The following PCDHGB2 variants were observed in gnomAD, a reference collection of about 807,000 sequenced individuals.
The protein encoded by PCDHGB2 is protocadherin gamma subfamily B, 2.
In PCDHGB2, 55 loss-of-function variants were observed where a neutral mutation model predicts 59.3. The observed-to-expected ratio is 0.93, with a 90% CI of 0.75 to 1.16. The LOEUF is 1.16. Among genes scored for constraint, PCDHGB2 ranks in the 50% most tolerant of loss-of-function variants. The pLI is 0.00. For synonymous variants in PCDHGB2, 516 were observed against 512.0 expected, an observed-to-expected ratio of 1.01 and a Z score of -0.11; for missense variants, 1,228 against 1,198.5, an observed-to-expected ratio of 1.02 and a Z score of -0.36.
At chr5:141,465,649 A>C (rs1174371552) in intron 1 of PCDHGB2, among the ~76,000 whole-genome samples, 1 of 152,200 alleles carries the variant, frequency 6.6e-6, no homozygotes, top group African/African-American at 2.4e-5. Context: ...TGAACATCCC[A>C]AAAAAGCGCT....
intron 1 of PCDHGB2, chr5:141,404,646 C>G (rs1461001534): frequency 3.1e-6 from 5 of 1,614,208 alleles, no homozygotes; most frequent in Non-Finnish European, 3.4e-6. Flanking sequence ...ATCCTGTACC[C>G]TGCCCTCCCC....
In PCDHGB2 at chr5:141,362,669, C is replaced by T. The variant is rs1028170696; in HGVS notation, c.2421+113C>T. 8.6e-6 allele frequency: 11 copies of T among 1,279,762 alleles called. No individual in the cohort carries two copies. The African/African-American group carries it at 1.4e-4, about 16-fold the overall frequency. The allele number at this position is 1,279,762 out of a possible 1,614,324, so 79.3% of individuals were successfully genotyped here. ...TGAGTTAGATTTGGCCAATGTTGTG[C>T]CTTAATTGTCTTAATCTTATCTAAC... is the stretch of plus-strand genomic sequence containing the variant. On this transcript the variant is annotated intron_variant, in intron 1 of 3. Transcript: ENST00000522605.
At chr5:141,422,568 C>A (rs372115955) in intron 1 of PCDHGB2, 5 of 1,613,904 alleles carry the variant, frequency 3.1e-6, no homozygotes, top group Admixed American at 3.3e-5. Context: ...CAGATGACAA[C>A]GATAACCCTC....
rs568123995 is a variant in PCDHGB2 at position 141,511,539 on chromosome 5, C to G, written c.*366C>G. The G allele has an allele frequency of 3.0e-5, 10 of 328,342 alleles. No individual in the cohort carries two copies. The highest frequency in any genetic ancestry group is 2.1e-4 in the African/African-American group (10 of 47,452). The allele number at this position is 328,342 out of a possible 1,614,324, so 20.3% of individuals were successfully genotyped here. ...CATCCCATGCCTCCCTCCTCCCCAC[C>G]CCACTCCAACAGTTCCTCTTTCCCG... On this transcript the variant is annotated 3_prime_UTR_variant, in exon 4 of 4. Transcript: ENST00000522605.
intron 2 of PCDHGB2, among the ~76,000 whole-genome samples, chr5:141,497,158 T>A (rs2099774560): frequency 6.6e-6 from 1 of 151,860 alleles, no homozygotes; most frequent in African/African-American, 2.4e-5. Flanking sequence ...AAAAATAATC[T>A]AGCCACAAAT....
intron 1 of PCDHGB2, chr5:141,441,694 G>A (rs1443778772): frequency 2.3e-5 from 7 of 301,140 alleles, no homozygotes; most frequent in Non-Finnish European, 2.6e-5. Context: ...GAGCAGCCGC[G>A]AGCCTTCAAG....
intron 1 of PCDHGB2, 90 bp downstream of exon 1, chr5:141,362,646 A>G: frequency 1.4e-6 from 2 of 1,452,328 alleles, no homozygotes; most frequent in Non-Finnish European, 1.8e-6. Context: ...TTTGTCTGTG[A>G]GTTAGATTTG....
At chr5:141,364,743 TA>T in intron 1 of PCDHGB2, 1 of 1,613,916 alleles carries the variant, frequency 6.2e-7, no homozygotes. Context: ...GATGAAGAGT[TA>T]AAAGTAAAAG....
chr5:141,414,515 C>T, intron 1 of PCDHGB2: 1 of 1,613,958 alleles, frequency 6.2e-7, no homozygotes, highest in Non-Finnish European at 8.5e-7. Flanking sequence ...CTACAAGTGG[C>T]AGATATCAAT....
chr5:141,447,848 G>A (rs539844218), intron 1 of PCDHGB2, among the ~76,000 whole-genome samples: 46 of 152,302 alleles, frequency 3.0e-4, no homozygotes, highest in East Asian at 2.7e-3. Context: ...TGCTTTGGGA[G>A]GCCGAGGTGG....
Position 141,510,960 on chromosome 5 carries a change from G to T in PCDHGB2, c.2583G>T (p.Gly861=). The T allele has an allele frequency of 6.2e-7, 1 of 1,614,120 alleles. No individual in the cohort carries two copies. The highest frequency in any genetic ancestry group is 1.3e-5 in the African/African-American group (1 of 75,022). ...ILASASEAAD[G]SSTLGGGAGT... is the part of the protein sequence containing the mutation. ...CTGTCTCTGCAGAAGCTGCTGATGG[G>T]AGCTCCACCCTGGGAGGGGGTGCCG... Residue 861 remains glycine, a synonymous_variant, in exon 4 of 4, where the codon GGG becomes GGT. Transcript: ENST00000522605.
intron 1 of PCDHGB2, among the ~76,000 whole-genome samples, chr5:141,381,932 C>A (rs1205042648): frequency 2.1e-5 from 3 of 144,772 alleles, no homozygotes; most frequent in Non-Finnish European, 4.5e-5. Flanking sequence ...CGGGTTCAAG[C>A]GATTTTCCTG....
chr5:141,482,611 G>C (rs1016481108), intron 1 of PCDHGB2, among the ~76,000 whole-genome samples: 4 of 150,398 alleles, frequency 2.7e-5, no homozygotes, highest in Non-Finnish European at 5.9e-5. Context: ...ACACCTAAAT[G>C]AGCCTGGAGA....
chr5:141,377,884 G>C (rs975063251), intron 1 of PCDHGB2: 1 of 152,112 alleles, frequency 6.6e-6, no homozygotes, highest in Non-Finnish European at 1.5e-5. Flanking sequence ...ATCAGAGATA[G>C]GATCCCCCTC....
Position 141,360,409 on chromosome 5 carries a change from C to G in PCDHGB2, c.274C>G (p.Arg92Gly), listed in dbSNP as rs890064560. 6 of 1,613,722 alleles carry G rather than the reference C, an allele frequency of 3.7e-6. No homozygotes were observed. Among genetic ancestry groups the G allele is most frequent in the African/African-American group, 1.3e-5 (1 of 74,868 alleles). The change falls in exon 1 of 4, where the codon CGA (arginine) becomes GGA (glycine). Residue 92 changes from arginine (R) to glycine (G), a missense_variant. By Grantham distance (125) the Arg-to-Gly change is moderately radical. Coordinates refer to ENST00000522605, the MANE Select transcript of PCDHGB2 (RefSeq NM_018923.3). ...GDLLVSDRIDREQICGKQPLC... is the reference protein window; with the variant it reads ...GDLLVSDRIDGEQICGKQPLC... ...CTTACTTGTGAGTGACAGAATAGAC[C>G]GAGAACAGATATGCGGGAAGCAGCC...
chr5:141,403,969 T>G (rs1437416293), intron 1 of PCDHGB2: 1 of 1,613,690 alleles, frequency 6.2e-7, no homozygotes, highest in African/African-American at 1.3e-5. Context: ...CGGTGGAAGA[T>G]GTAAATGACA....
chr5:141,366,559 G>C, intron 1 of PCDHGB2: 2 of 1,614,270 alleles, frequency 1.2e-6, no homozygotes, highest in South Asian at 2.2e-5. Context: ...TTGTGGGCGT[G>C]GATGGGGTTC....
intron 1 of PCDHGB2, among the ~76,000 whole-genome samples, chr5:141,437,923 A>G (rs893873818): frequency 2.0e-5 from 3 of 152,110 alleles, no homozygotes; most frequent in African/African-American, 7.2e-5. Context: ...TTTTTAGTAG[A>G]GATGGGGTTT....
At chr5:141,383,749 A>G in intron 1 of PCDHGB2, 1 of 1,614,008 alleles carries the variant, frequency 6.2e-7, no homozygotes, top group South Asian at 1.1e-5. Context: ...TTTTCGGAAA[A>G]TAACTCCTAA....
Sources: gnomAD v4.1 joint callset for allele counts (sites outside exome capture counted in the v4.1 genomes callset) on GRCh38, gnomAD v4.1.1 for gene constraint, MANE v1.5 for transcripts, NCBI Gene and HGNC (gene_info 2026-07-23, HGNC 2026-07-21) for gene names.